Variants in SVEP1 observed in about 807,000 individuals in gnomAD.
SVEP1 encodes the protein sushi, von Willebrand factor type A, EGF and pentraxin domain containing 1.
SVEP1 carries 164 observed loss-of-function variants against 367.3 expected under a neutral mutation model. The observed-to-expected ratio is 0.45, with a 90% CI of 0.39 to 0.51. The LOEUF is 0.51. Ranked by LOEUF, SVEP1 falls within the 20% of genes least tolerant of loss-of-function variation. SVEP1 has a pLI of 0.00. For synonymous variants in SVEP1, 1,666 were observed against 1,611.6 expected, an observed-to-expected ratio of 1.03 and a Z score of -0.81; for missense variants, 4,117 against 4,425.3, an observed-to-expected ratio of 0.93 and a Z score of 1.98.
chr9:110,551,931 C>T (rs545014598), intron 1 of SVEP1, among the ~76,000 whole-genome samples: 1 of 151,994 alleles, frequency 6.6e-6, no homozygotes, highest in African/African-American at 2.4e-5. Flanking sequence ...GTCCCCAGGT[C>T]CTCTTTCCAT....
At chr9:110,574,583 C>CTA (rs1243949916) in intron 1 of SVEP1, among the ~76,000 whole-genome samples, 1 of 152,104 alleles carries the variant, frequency 6.6e-6, no homozygotes, top group East Asian at 1.9e-4. Flanking sequence ...AAAATTCAAG[C>CTA]CTCAACCAAC....
intron 3 of SVEP1, 40 bp from the exon 4 acceptor site, chr9:110,514,146 A>G (rs1334479748): frequency 6.3e-7 from 1 of 1,591,350 alleles, no homozygotes; most frequent in Admixed American, 1.8e-5. Flanking sequence ...GTTATGTGGC[A>G]CATCAGCTGG....
At chr9:110,415,160 C>T (rs1828100408) in intron 36 of SVEP1, among the ~76,000 whole-genome samples, 1 of 152,040 alleles carries the variant, frequency 6.6e-6, no homozygotes, top group Non-Finnish European at 1.5e-5. Flanking sequence ...GGGTAGGACA[C>T]AGAAATGAGA....
chr9:110,472,884 T>C (rs182884755), intron 14 of SVEP1, among the ~76,000 whole-genome samples: 1 of 152,304 alleles, frequency 6.6e-6, no homozygotes, highest in Admixed American at 6.5e-5. Context: ...TGGAATTCTC[T>C]AGATGCCCTT....
chr9:110,507,403 T>C (rs1308370768), intron 5 of SVEP1, among the ~76,000 whole-genome samples: 1 of 152,204 alleles, frequency 6.6e-6, no homozygotes, highest in Non-Finnish European at 1.5e-5. Context: ...TCAATTGAAG[T>C]CACTGTTTGA....
chr9:110,521,716 G>T (rs904624402), intron 3 of SVEP1, among the ~76,000 whole-genome samples: 3 of 152,134 alleles, frequency 2.0e-5, no homozygotes, highest in Non-Finnish European at 4.4e-5. Context: ...GATGAGAAAG[G>T]TGACATCATC....
At chr9:110,468,074 C>A (rs1197551616) in intron 17 of SVEP1, among the ~76,000 whole-genome samples, 1 of 152,258 alleles carries the variant, frequency 6.6e-6, no homozygotes, top group East Asian at 1.9e-4. Flanking sequence ...GCCTGCAAAA[C>A]CATGAGCCAA....
intron 3 of SVEP1, among the ~76,000 whole-genome samples, chr9:110,516,870 C>T (rs1393397264): frequency 1.3e-5 from 2 of 152,048 alleles, no homozygotes; most frequent in African/African-American, 4.8e-5. Flanking sequence ...TAACCTGGAG[C>T]TTTAGTGCAA....
At chr9:110,472,057 G>T in intron 15 of SVEP1, 102 bp downstream of exon 15, 2 of 1,200,106 alleles carry the variant, frequency 1.7e-6, no homozygotes, top group Non-Finnish European at 2.4e-6. Context: ...CAATTCCAGA[G>T]TCATTTCCTA....
chr9:110,387,374 G>GAATATA lies in SVEP1; in HGVS notation c.9965_9970dup (p.Tyr3323_Ser3324insLeuTyr). On this transcript the variant is annotated inframe_insertion, in exon 42 of 48. Coordinates refer to ENST00000374469, the MANE Select transcript of SVEP1 (RefSeq NM_153366.4). ...TTCAAGACTGTAGCCTCTGTTGCAG[G>GAATATA]AATATACCACGTTGGGTCCAGTCGT... 6.2e-7 allele frequency: 1 copy of GAATATA among 1,613,684 alleles called. No individual in the cohort carries two copies.
intron 45 of SVEP1, 30 bp from the exon 46 acceptor site, chr9:110,375,493 AGGCAGG>A (rs962957773): frequency 7.4e-7 from 1 of 1,350,664 alleles, no homozygotes; most frequent in African/African-American, 1.5e-5. Context: ...AAAAAAAAGG[AGGCAGG>A]GGGGATTGAA....
intron 40 of SVEP1, among the ~76,000 whole-genome samples, chr9:110,399,116 C>G (rs1314021346): frequency 6.6e-6 from 1 of 152,098 alleles, no homozygotes; most frequent in East Asian, 1.9e-4. Flanking sequence ...CAATGATAGA[C>G]TGGATTAAGA....
intron 30 of SVEP1, among the ~76,000 whole-genome samples, chr9:110,433,331 T>C (rs1828380741): frequency 7.4e-6 from 1 of 136,036 alleles, no homozygotes; most frequent in African/African-American, 2.8e-5. Context: ...ATCCCTGCCT[T>C]ATGGAGCTTA....
chr9:110,550,213 A>G (rs913509291), intron 1 of SVEP1, 109 bp from the exon 2 acceptor site: 21 of 1,418,696 alleles, frequency 1.5e-5, no homozygotes, highest in Non-Finnish European at 1.9e-5. Flanking sequence ...TTTCACAGGC[A>G]TGAGGGATGG....
At chr9:110,511,725 G>A (rs1481639063) in intron 5 of SVEP1, among the ~76,000 whole-genome samples, 1 of 151,888 alleles carries the variant, frequency 6.6e-6, no homozygotes, top group Non-Finnish European at 1.5e-5. Context: ...TACATTTATA[G>A]ATGAGTTCAG....
chr9:110,541,868 GATATCTATAT>G (rs1830154051), intron 3 of SVEP1, among the ~76,000 whole-genome samples: 17 of 131,088 alleles, frequency 1.3e-4, no homozygotes, highest in South Asian at 2.4e-4. Context: ...TATATACATA[GATATCTATAT>G]ATATCTATAT....
At chr9:110,518,433 A>G (rs906907110) in intron 3 of SVEP1, among the ~76,000 whole-genome samples, 6 of 152,010 alleles carry the variant, frequency 3.9e-5, no homozygotes, top group Non-Finnish European at 8.8e-5. Flanking sequence ...AAAAAAAAAA[A>G]AGTAAATGCA....
At chr9:110,493,245 C>A (rs949179850) in intron 8 of SVEP1, among the ~76,000 whole-genome samples, 3 of 151,952 alleles carry the variant, frequency 2.0e-5, no homozygotes, top group Non-Finnish European at 4.4e-5. Flanking sequence ...GGGCCTCCTG[C>A]AGAATGTGCA....
chr9:110,378,987 A>G (rs1214512837), intron 44 of SVEP1, among the ~76,000 whole-genome samples: 1 of 152,076 alleles, frequency 6.6e-6, no homozygotes, highest in Non-Finnish European at 1.5e-5. Flanking sequence ...CCTTGGTTTT[A>G]TCTGTGTGTA....
Sources: gnomAD v4.1 joint callset for allele counts (sites outside exome capture counted in the v4.1 genomes callset) on GRCh38, gnomAD v4.1.1 for gene constraint, MANE v1.5 for transcripts, NCBI Gene and HGNC (gene_info 2026-07-23, HGNC 2026-07-21) for gene names.